The following PTGR2 variants were observed in gnomAD, a reference collection of about 807,000 sequenced individuals.
PTGR2 encodes prostaglandin reductase 2, also known as 15-oxoprostaglandin 13-reductase.
In PTGR2, 32 loss-of-function variants were observed where a neutral mutation model predicts 43.4. The observed-to-expected ratio is 0.74, with a 90% CI of 0.56 to 0.99. The LOEUF is 0.99. Ranked by LOEUF, PTGR2 falls within the 50% of genes least tolerant of loss-of-function variation. The pLI, the probability that PTGR2 is intolerant of heterozygous loss-of-function variation, is 0.00. For synonymous variants in PTGR2, 106 were observed against 139.2 expected, an observed-to-expected ratio of 0.76 and a Z score of 1.68; for missense variants, 373 against 420.0, an observed-to-expected ratio of 0.89 and a Z score of 0.98.
At chr14:73,857,111 AC>A (rs746960215) in intron 1 of PTGR2, among the ~76,000 whole-genome samples, 4 of 152,028 alleles carry the variant, frequency 2.6e-5, no homozygotes, top group Non-Finnish European at 4.4e-5. Context: ...ATCTCAAAAA[AC>A]AAAACAGAAT....
intron 3 of PTGR2, 50 bp from the exon 4 acceptor site, chr14:73,873,973 A>T (rs750681899): frequency 7.2e-7 from 1 of 1,385,052 alleles, no homozygotes; most frequent in Admixed American, 2.3e-5. Flanking sequence ...AAATTAGTAG[A>T]GTGGTTTGAC....
Position 73,876,483 on chromosome 14 carries a change from CT to C in PTGR2, c.349-499del, listed in dbSNP as rs766810794. ...TCTTCTTCTTCTAAGGACATAAGTCCTTTTTTTTTTTTTTTTGAGATGAAGT... is the reference window on the plus strand; with the variant it reads ...TCTTCTTCTTCTAAGGACATAAGTCCTTTTTTTTTTTTTTTGAGATGAAGT... On this transcript the variant is annotated intron_variant, in intron 4 of 9. Transcript: ENST00000555661. Among the ~76,000 whole-genome samples, 544 of 108,544 alleles carry C rather than the reference CT, an allele frequency of 5.0e-3. 14 individuals are homozygous for C. The highest frequency in any genetic ancestry group is 0.015 in the African/African-American group (442 of 29,708). 71.2% of individuals were successfully genotyped at this position (108,544 alleles called of 152,430 possible).
intron 3 of PTGR2, among the ~76,000 whole-genome samples, chr14:73,871,935 A>G (rs2054744424): frequency 6.6e-6 from 1 of 152,176 alleles, no homozygotes; most frequent in African/African-American, 2.4e-5. Context: ...GGTGGCACAC[A>G]AGCAGAAGCA....
intron 6 of PTGR2, 22 bp downstream of exon 6, chr14:73,879,327 C>T (rs773946598): frequency 3.7e-6 from 6 of 1,603,340 alleles, no homozygotes; most frequent in Non-Finnish European, 5.1e-6. Context: ...ATTTCTATAA[C>T]AAATTTGAAT....
In PTGR2 at chr14:73,882,649, T is replaced by TGCCACC. The variant is rs1246301602; in HGVS notation, c.979+212_979+217dup. Among the ~76,000 whole-genome samples the TGCCACC allele has an allele frequency of 1.7e-4, 26 of 150,520 alleles. 1 individual carries two copies. Among genetic ancestry groups the TGCCACC allele is most frequent in the African/African-American group, 6.1e-4 (25 of 40,920 alleles). On this transcript the variant is annotated intron_variant, in intron 9 of 9. Coordinates refer to ENST00000555661, the MANE Select transcript of PTGR2 (RefSeq NM_001146154.2). ...CCAAGTAGCTGGGACTACAGGCGCC[T>TGCCACC]GCCACCACGCCTGGCTAATTTTTTG...
Position 73,853,330 on chromosome 14 carries a change from C to CT in PTGR2, c.-48+1396dup, listed in dbSNP as rs765518577. On this transcript the variant is annotated intron_variant, in intron 1 of 9. Transcript: ENST00000555661. ...GTACCTCTTTTTTCTTCTCTTTTTT[C>CT]TTTTTTTTTGAGATGGAGTTTCGCT... 1.1e-3 allele frequency among the ~76,000 whole-genome samples: 142 copies of CT among 128,932 alleles called. 1 individual carries two copies. Among genetic ancestry groups the CT allele is most frequent in the Non-Finnish European group, 1.8e-3 (105 of 58,464 alleles). The allele number at this position is 128,932 out of a possible 152,430, so 84.6% of individuals were successfully genotyped here.
chr14:73,852,981 A>G (rs2054265476), intron 1 of PTGR2, among the ~76,000 whole-genome samples: 1 of 151,824 alleles, frequency 6.6e-6, no homozygotes, highest in South Asian at 2.1e-4. Flanking sequence ...GCCCACCACC[A>G]CGCTTAATTT....
Position 73,880,122 on chromosome 14 carries a change from C to G in PTGR2, c.797C>G (p.Pro266Arg), listed in dbSNP as rs145112450. ...ISQYNKDVPY[P>R]PPLSPAIEAI... ...CAGTACAACAAAGATGTGCCTTATC[C>G]TCCCCCGCTATCCCCTGCTATAGAG... The change falls in exon 7 of 10, where the codon CCT (proline) becomes CGT (arginine). Residue 266 changes from proline to arginine, a missense_variant. Pro to Arg is a moderately radical substitution (Grantham distance 103). Transcript: ENST00000555661. The G allele has an allele frequency of 6.2e-7, 1 of 1,613,920 alleles. No individual in the cohort carries two copies. The highest frequency in any genetic ancestry group is 8.5e-7 in the Non-Finnish European group (1 of 1,179,870).
intron 1 of PTGR2, among the ~76,000 whole-genome samples, chr14:73,856,864 G>T (rs1362487308): frequency 6.6e-6 from 1 of 152,194 alleles, no homozygotes; most frequent in African/African-American, 2.4e-5. Context: ...AACACTAAGG[G>T]CTTGATTTTC....
chr14:73,872,972 C>CAAA (rs113631455), intron 3 of PTGR2, among the ~76,000 whole-genome samples: 7 of 135,720 alleles, frequency 5.2e-5, no homozygotes, highest in Non-Finnish European at 8.0e-5. Context: ...GACTCCATCT[C>CAAA]AAAAAAAAAA....
intron 5 of PTGR2, chr14:73,878,327 T>A (rs1311438402): frequency 6.6e-6 from 1 of 152,274 alleles, no homozygotes; most frequent in Non-Finnish European, 1.5e-5. Flanking sequence ...GAAATCAGAT[T>A]TAATTTGCGA....
At chr14:73,883,188 C>CTTTTTTTTTTTTTTTT (rs58234739) in intron 9 of PTGR2, among the ~76,000 whole-genome samples, 10 of 58,152 alleles carry the variant, frequency 1.7e-4, no homozygotes, top group South Asian at 1.1e-3. Flanking sequence ...CCTCACCTCC[C>CTTTTTTTTTTTTTTTT]TTTTTTTTTT....
At chr14:73,869,707 C>T (rs1417028768) in intron 3 of PTGR2, among the ~76,000 whole-genome samples, 2 of 151,924 alleles carry the variant, frequency 1.3e-5, no homozygotes, top group Admixed American at 6.6e-5. Flanking sequence ...TTTCACTAGA[C>T]ATTCTCTATG....
At chr14:73,870,590 T>A (rs888736335) in intron 3 of PTGR2, among the ~76,000 whole-genome samples, 1 of 152,216 alleles carries the variant, frequency 6.6e-6, no homozygotes, top group African/African-American at 2.4e-5. Context: ...ACACAGTATT[T>A]TACATGATTA....
intron 8 of PTGR2, 125 bp from the exon 9 acceptor site, chr14:73,882,274 A>T (rs1380067601): frequency 1.5e-6 from 1 of 662,510 alleles, no homozygotes; most frequent in African/African-American, 1.8e-5. Context: ...TACCTACATG[A>T]AATAAAGAAT....
chr14:73,857,887 T>C (rs1372434746), intron 1 of PTGR2, among the ~76,000 whole-genome samples: 1 of 151,622 alleles, frequency 6.6e-6, no homozygotes, highest in Admixed American at 6.6e-5. Flanking sequence ...GGCAGGATGG[T>C]CTTGAACTCT....
intron 3 of PTGR2, among the ~76,000 whole-genome samples, chr14:73,864,320 A>G (rs2054556177): frequency 6.6e-6 from 1 of 152,214 alleles, no homozygotes; most frequent in Non-Finnish European, 1.5e-5. Flanking sequence ...GAGTAAAATT[A>G]CTAGGTCATA....
At position 73,880,085 on chromosome 14, in the gene PTGR2, G is replaced by A; in HGVS notation, c.760G>A (p.Gly254Ser). Residue 254 changes from glycine to serine, a missense_variant, in exon 7 of 10, where the codon GGT becomes AGT. Coordinates refer to ENST00000555661, the MANE Select transcript of PTGR2 (RefSeq NM_001146154.2). ...MNENSHIILC[G>S]QISQYNKDVP... ...TGAGAACAGCCACATCATCCTGTGT[G>A]GTCAAATTTCTCAGTACAACAAAGA... is the stretch of plus-strand genomic sequence containing the variant. 1 of 1,613,590 alleles carries A rather than the reference G, an allele frequency of 6.2e-7. No homozygotes were observed. Among genetic ancestry groups the A allele is most frequent in the South Asian group, 1.1e-5 (1 of 91,068 alleles).
chr14:73,878,041 G>A (rs1459558145), intron 5 of PTGR2: 2 of 152,266 alleles, frequency 1.3e-5, no homozygotes, highest in Middle Eastern at 3.2e-3. Flanking sequence ...AACTACTTGA[G>A]AGGCTGAGGC....
Sources: gnomAD v4.1 joint callset for allele counts (sites outside exome capture counted in the v4.1 genomes callset) on GRCh38, gnomAD v4.1.1 for gene constraint, MANE v1.5 for transcripts, NCBI Gene and HGNC (gene_info 2026-07-23, HGNC 2026-07-21) for gene names.